Variants in FOXN2 observed in about 807,000 individuals in gnomAD.
The protein encoded by FOXN2 is forkhead box N2, also known as forkhead box protein N2.
In FOXN2, 19 loss-of-function variants were observed where a neutral mutation model predicts 41.2. That is an observed-to-expected ratio of 0.46 (90% CI 0.32 to 0.68). The LOEUF (loss-of-function observed/expected upper bound fraction) is 0.68. Ranked by LOEUF, FOXN2 falls within the 30% of genes least tolerant of loss-of-function variation. The pLI, the probability that FOXN2 is intolerant of heterozygous loss-of-function variation, is 0.03. For synonymous variants in FOXN2, 195 were observed against 176.8 expected (o/e 1.10, Z -0.82); for missense variants, 587 against 509.4 (o/e 1.15, Z -1.47).
rs151269056 is a variant in FOXN2, at chr2:48,348,649, T to C, written c.537+1898T>C. Among the ~76,000 whole-genome samples the C allele has an allele frequency of 2.1e-3, 326 of 152,380 alleles. 1 individual carries two copies. The highest frequency in any genetic ancestry group is 7.6e-3 in the African/African-American group (316 of 41,590). The stretch of plus-strand genomic sequence containing the variant: ...GTTAGGCTGTTAGTGTGAACAGGTA[T>C]TGGTCAGTCTAGTTAGTAATTGAGA... On this transcript the variant is annotated intron_variant, in intron 3 of 6. Transcript: ENST00000340553.
intron 3 of FOXN2, among the ~76,000 whole-genome samples, chr2:48,356,648 G>A (rs1290280087): frequency 6.6e-6 from 1 of 152,050 alleles, no homozygotes. Context: ...TTTTATCTAG[G>A]CCTTGCCATT....
chr2:48,325,996 A>G (rs773767717), intron 1 of FOXN2, among the ~76,000 whole-genome samples: 5 of 152,044 alleles, frequency 3.3e-5, no homozygotes, highest in Non-Finnish European at 2.9e-5. Context: ...TTAAAGGCAC[A>G]TGCCACCACG....
chr2:48,352,116 A>G (rs1228363547), intron 3 of FOXN2, among the ~76,000 whole-genome samples: 1 of 152,142 alleles, frequency 6.6e-6, no homozygotes, highest in African/African-American at 2.4e-5. Context: ...AGCCAGGAGC[A>G]TGATGGAGTT....
intron 5 of FOXN2, among the ~76,000 whole-genome samples, chr2:48,368,051 A>G (rs1672642503): frequency 6.6e-6 from 1 of 152,114 alleles, no homozygotes; most frequent in Non-Finnish European, 1.5e-5. Flanking sequence ...CATATTGGCC[A>G]GGCTGGTCTC....
intron 5 of FOXN2, among the ~76,000 whole-genome samples, chr2:48,371,836 AGTTT>A (rs1282605160): frequency 6.6e-6 from 1 of 151,946 alleles, no homozygotes; most frequent in Non-Finnish European, 1.5e-5. Flanking sequence ...TTTTTCAGCT[AGTTT>A]GTTGTTTTGT....
At chr2:48,318,223 C>T (rs947621096) in intron 1 of FOXN2, among the ~76,000 whole-genome samples, 1 of 152,186 alleles carries the variant, frequency 6.6e-6, no homozygotes, top group Non-Finnish European at 1.5e-5. Context: ...GTACTATTAA[C>T]TACATACTTT....
intron 1 of FOXN2, among the ~76,000 whole-genome samples, chr2:48,315,434 C>T (rs1668845583): frequency 1.3e-5 from 2 of 152,138 alleles, no homozygotes; most frequent in African/African-American, 4.8e-5. Flanking sequence ...ACCCTCTCGC[C>T]CCTCCACCGC....
chr2:48,360,733 G>T (rs1210634825), intron 4 of FOXN2, among the ~76,000 whole-genome samples: 1 of 151,166 alleles, frequency 6.6e-6, no homozygotes, highest in Non-Finnish European at 1.5e-5. Context: ...TAATAATTTA[G>T]AAACTAATGG....
At chr2:48,340,267 A>G (rs1268764679) in intron 2 of FOXN2, among the ~76,000 whole-genome samples, 2 of 152,202 alleles carry the variant, frequency 1.3e-5, no homozygotes, top group Non-Finnish European at 2.9e-5. Context: ...TGTTTTAGGT[A>G]ATGCTGAAAA....
chr2:48,346,739 A>G lies in FOXN2; in HGVS notation c.525A>G (p.Arg175=). ...SLNKCFQKVE[R]SHGKVNGKGS... Reference sequence around the variant, plus strand: ...ATAAATGTTTTCAGAAAGTGGAAAGAAGCCATGGCAAGGTCAGTGTTTATG... The same window carrying G: ...ATAAATGTTTTCAGAAAGTGGAAAGGAGCCATGGCAAGGTCAGTGTTTATG... The change falls in exon 3 of 7, where the codon AGA becomes AGG. Residue 175 remains arginine, a synonymous_variant. Transcript: ENST00000340553. 1.3e-6 allele frequency: 2 copies of G among 1,586,564 alleles called. No individual in the cohort carries two copies. Among genetic ancestry groups the G allele is most frequent in the Non-Finnish European group, 1.7e-6 (2 of 1,169,548 alleles).
chr2:48,356,190 C>A (rs1045023557), intron 3 of FOXN2, among the ~76,000 whole-genome samples: 1 of 151,952 alleles, frequency 6.6e-6, no homozygotes, highest in Non-Finnish European at 1.5e-5. Context: ...GCCTGTAATC[C>A]CAACACTTTG....
intron 2 of FOXN2, chr2:48,340,664 T>TTTTA (rs1213839280): frequency 2.0e-5 from 3 of 152,314 alleles, no homozygotes; most frequent in South Asian, 2.1e-4. Flanking sequence ...ATTTTTCTTA[T>TTTTA]TTTATTTATT....
At chr2:48,358,722 G>C (rs1445503585) in intron 3 of FOXN2, among the ~76,000 whole-genome samples, 1 of 152,112 alleles carries the variant, frequency 6.6e-6, no homozygotes, top group African/African-American at 2.4e-5. Context: ...AGTAAATTTT[G>C]TTGTTATCTA....
In FOXN2 at chr2:48,346,477, T is replaced by C. The variant is rs370912903; in HGVS notation, c.263T>C (p.Ile88Thr). Residue 88 changes from isoleucine to threonine, a missense_variant, in exon 3 of 7, where the codon ATA becomes ACA. By Grantham distance (89) the Ile-to-Thr change is moderately conservative. Coordinates refer to ENST00000340553, the MANE Select transcript of FOXN2 (RefSeq NM_002158.4). The part of the protein sequence containing the change: ...GLPIVSPLYD[I>T]EGDDVPSFGP... ...CCAATTGTTAGTCCATTGTATGACA[T>C]AGAGGGAGATGATGTGCCATCCTTT... 14 of 1,614,108 alleles carry C rather than the reference T, an allele frequency of 8.7e-6. No homozygotes were observed. The African/African-American group carries it at 1.3e-4, about 15-fold the overall frequency.
rs1352713862 is a variant in FOXN2, at chr2:48,378,967, C to T, written c.*3524C>T. On this transcript the variant is annotated 3_prime_UTR_variant, in exon 7 of 7. Transcript: ENST00000340553. ...ATAGTGTATAAAAATGTATAATTGC[C>T]AATTGATTGTAACTATTATTTATTT... The T allele has an allele frequency of 6.6e-6, 1 of 152,352 alleles. No homozygotes were observed. The highest frequency in any genetic ancestry group is 1.5e-5 in the Non-Finnish European group (1 of 67,980). The allele number at this position is 152,352 out of a possible 1,614,324, so 9.4% of individuals were successfully genotyped here.
rs1673332050 is a variant in FOXN2, at chr2:48,377,607, T to C, written c.*2164T>C. ...CAGTAATTCTTTACATCTTTTGATTTTTCTCTTCCTTTTTATTCACTCTTC... is the reference window on the plus strand; with the variant it reads ...CAGTAATTCTTTACATCTTTTGATTCTTCTCTTCCTTTTTATTCACTCTTC... On this transcript the variant is annotated 3_prime_UTR_variant, in exon 7 of 7. Transcript: ENST00000340553. 6.6e-6 allele frequency: 1 copy of C among 152,060 alleles called. No homozygotes were observed. Among genetic ancestry groups the C allele is most frequent in the South Asian group, 2.1e-4 (1 of 4,830 alleles). The allele number at this position is 152,060 out of a possible 1,614,324, so 9.4% of individuals were successfully genotyped here. A position where few individuals can be genotyped will look rare whatever the true frequency, so the allele number is the denominator to read the frequency against.
intron 5 of FOXN2, among the ~76,000 whole-genome samples, chr2:48,368,804 G>A (rs1044535063): frequency 6.6e-6 from 1 of 152,162 alleles, no homozygotes; most frequent in Non-Finnish European, 1.5e-5. Context: ...CTGTACCTTG[G>A]ACAAATCATT....
At chr2:48,339,444 G>A (rs1318919251) in intron 2 of FOXN2, among the ~76,000 whole-genome samples, 1 of 152,106 alleles carries the variant, frequency 6.6e-6, no homozygotes, top group Non-Finnish European at 1.5e-5. Context: ...GCCACCATGT[G>A]AAGAAGGACA....
chr2:48,368,553 G>A (rs369999042), intron 5 of FOXN2, among the ~76,000 whole-genome samples: 4 of 152,100 alleles, frequency 2.6e-5, no homozygotes, highest in African/African-American at 7.2e-5. Context: ...TTAGCCGGGC[G>A]TGGTGGTACA....
Sources: allele counts gnomAD v4.1 joint callset (sites outside exome capture counted in the v4.1 genomes callset), GRCh38; gene constraint gnomAD v4.1.1; transcripts MANE v1.5; gene names NCBI Gene and HGNC (gene_info 2026-07-23, HGNC 2026-07-21).